The following ATP6V0A1 variants were observed in gnomAD, a reference collection of about 807,000 sequenced individuals.
ATP6V0A1 encodes the protein ATPase H+ transporting V0 subunit a1.
In ATP6V0A1, 43 loss-of-function variants were observed where a neutral mutation model predicts 105.4. The ratio of observed to expected loss-of-function variants is 0.41; its 90% CI spans 0.32 to 0.53. ATP6V0A1 has a LOEUF of 0.53. Among genes scored for constraint, ATP6V0A1 ranks in the 20% least tolerant of loss-of-function variants. The pLI is 0.30. For synonymous variants in ATP6V0A1, 362 were observed against 372.8 expected (o/e 0.97, Z 0.33); for missense variants, 676 against 1,051.1 (o/e 0.64, Z 4.93).
chr17:42,484,919 G>A (rs893378768), intron 9 of ATP6V0A1, among the ~76,000 whole-genome samples: 1 of 150,038 alleles, frequency 6.7e-6, no homozygotes, highest in Non-Finnish European at 1.5e-5. Context: ...GCGCGATCTC[G>A]GCTCACTGCA....
chr17:42,512,546 G>C (rs2092396624), intron 19 of ATP6V0A1, among the ~76,000 whole-genome samples: 1 of 152,196 alleles, frequency 6.6e-6, no homozygotes, highest in Non-Finnish European at 1.5e-5. Context: ...AAGTAAGGAA[G>C]CTTGAAGAGC....
intron 20 of ATP6V0A1, 72 bp downstream of exon 20, chr17:42,514,050 A>G: frequency 1.3e-6 from 2 of 1,488,894 alleles, no homozygotes; most frequent in Non-Finnish European, 1.9e-6. Flanking sequence ...TGGGGGGCTT[A>G]AGTCAAATGG....
At chr17:42,500,675 A>G in intron 15 of ATP6V0A1, 32 bp from the exon 16 acceptor site, 1 of 1,563,872 alleles carries the variant, frequency 6.4e-7, no homozygotes, top group Non-Finnish European at 8.8e-7. Flanking sequence ...AGGCCCATTT[A>G]CCCTTAACAT....
intron 5 of ATP6V0A1, among the ~76,000 whole-genome samples, chr17:42,472,208 C>T (rs2088064227): frequency 6.6e-6 from 1 of 151,646 alleles, no homozygotes; most frequent in South Asian, 2.1e-4. Context: ...TGCTCACCAC[C>T]ACCCCCAGCT....
chr17:42,497,577 G>A (rs933796627), intron 14 of ATP6V0A1, among the ~76,000 whole-genome samples: 1 of 151,568 alleles, frequency 6.6e-6, no homozygotes, highest in Non-Finnish European at 1.5e-5. Flanking sequence ...GGGAAGTTGA[G>A]GCAGAGAATT....
chr17:42,506,577 G>A (rs371153310), intron 17 of ATP6V0A1, among the ~76,000 whole-genome samples: 1 of 152,246 alleles, frequency 6.6e-6, no homozygotes, highest in Non-Finnish European at 1.5e-5. Context: ...CTCTTGCCTT[G>A]TTTGGCCCCC....
rs1220914968 is a variant in ATP6V0A1, at chr17:42,480,582, T to C, written c.634-85T>C. 3.8e-6 allele frequency: 5 copies of C among 1,307,854 alleles called. No homozygotes were observed. In the African/African-American group the frequency reaches 7.5e-5, roughly 20 times the overall value. The allele number at this position is 1,307,854 out of a possible 1,614,324, so 81.0% of individuals were successfully genotyped here. ...GTCCTTAAAAGATGCCTGTTGTTCT[T>C]GCATCACCAAAAAAGTGGGTTATTT... On this transcript the variant is annotated intron_variant, in intron 7 of 21. Transcript: ENST00000343619.
intron 5 of ATP6V0A1, among the ~76,000 whole-genome samples, chr17:42,473,981 A>T (rs1486361476): frequency 6.6e-6 from 1 of 151,420 alleles, no homozygotes; most frequent in African/African-American, 2.4e-5. Flanking sequence ...TGCCCTTTTC[A>T]TGCTGGGGTT....
chr17:42,513,880 T>C lies in ATP6V0A1; in HGVS notation c.2150T>C (p.Met717Thr), dbSNP rs926935948. 2 of 1,614,088 alleles carry C rather than the reference T, an allele frequency of 1.2e-6. No homozygotes were observed. Among genetic ancestry groups the C allele is most frequent in the Non-Finnish European group, 1.7e-6 (2 of 1,179,974 alleles). Residue 717 changes from methionine (M) to threonine (T), a missense_variant, in exon 20 of 22, where the codon ATG becomes ACG. Transcript: ENST00000343619. ...CGACAGTTTGACTTTGGGGACACCA[T>C]GGTCCACCAGGCCATCCACACCATC... ...EDEVFDFGDTMVHQAIHTIEY... is the reference protein window; with the variant it reads ...EDEVFDFGDTTVHQAIHTIEY...
intron 18 of ATP6V0A1, 111 bp from the exon 19 acceptor site, chr17:42,508,461 C>G (rs1273811650): frequency 1.4e-6 from 2 of 1,395,958 alleles, no homozygotes; most frequent in Non-Finnish European, 2.0e-6. Context: ...ACGTGCTAGC[C>G]CATTTAACAT....
chr17:42,459,908 T>A (rs2086210801), intron 1 of ATP6V0A1, among the ~76,000 whole-genome samples: 1 of 152,212 alleles, frequency 6.6e-6, no homozygotes, highest in African/African-American at 2.4e-5. Context: ...GATGCCCTTA[T>A]GACACTAAAA....
At chr17:42,501,384 A>C in intron 17 of ATP6V0A1, 80 bp downstream of exon 17, 1 of 1,015,986 alleles carries the variant, frequency 9.8e-7, no homozygotes, top group Non-Finnish European at 1.5e-6. Flanking sequence ...GGATATAATT[A>C]ATTGTGCACA....
chr17:42,474,829 T>C (rs1282573817), intron 5 of ATP6V0A1, among the ~76,000 whole-genome samples: 1 of 152,236 alleles, frequency 6.6e-6, no homozygotes, highest in Non-Finnish European at 1.5e-5. Context: ...ATAGGAGTTA[T>C]GATTGGCAGG....
chr17:42,477,783 G>T (rs549933179), intron 6 of ATP6V0A1, 41 bp downstream of exon 6: 14 of 1,506,840 alleles, frequency 9.3e-6, no homozygotes, highest in Middle Eastern at 1.9e-4. Context: ...GTGGGGCCAT[G>T]TTCATCTCTT....
chr17:42,478,781 A>G (rs1039131765), intron 7 of ATP6V0A1, 192 bp downstream of exon 7: 1 of 372,028 alleles, frequency 2.7e-6, no homozygotes, highest in Non-Finnish European at 4.4e-6. Flanking sequence ...TGTATGATGT[A>G]TACATGACAT....
At chr17:42,478,928 T>TA (rs201894757) in intron 7 of ATP6V0A1, 2,570 of 153,694 alleles carry the variant, frequency 0.017, 42 homozygotes, top group Middle Eastern at 0.077. Context: ...TTTTTTGAGG[T>TA]GGAGTCTCAC....
Position 42,521,092 on chromosome 17 carries a change from A to G in ATP6V0A1, c.2486A>G (p.His829Arg), listed in dbSNP as rs776657619. 1.9e-6 allele frequency: 3 copies of G among 1,609,882 alleles called. No homozygotes were observed. The highest frequency in any genetic ancestry group is 2.5e-6 in the Non-Finnish European group (3 of 1,178,010). The change falls in exon 22 of 22, where the codon CAT becomes CGT. Residue 829 changes from histidine (H) to arginine (R), a missense_variant. Coordinates refer to ENST00000343619, the MANE Select transcript of ATP6V0A1 (RefSeq NM_001130021.3). The surrounding 1 kb of genome is among the most constrained non-coding windows in gnomAD (Gnocchi z 4.8). ...GFKFLPFSFE[H>R]IREGKFEE ...AAGTTCTTACCCTTCTCCTTCGAGC[A>G]TATTCGGGAAGGGAAGTTTGAAGAG... is the stretch of plus-strand genomic sequence containing the variant.
chr17:42,478,358 A>G, intron 6 of ATP6V0A1, 105 bp from the exon 7 acceptor site: 1 of 797,098 alleles, frequency 1.3e-6, no homozygotes, highest in Non-Finnish European at 1.6e-6. Flanking sequence ...CTTAAAGTAT[A>G]ATAAAAAAAG....
chr17:42,516,777 C>A (rs2092646388), intron 21 of ATP6V0A1, among the ~76,000 whole-genome samples: 1 of 152,234 alleles, frequency 6.6e-6, no homozygotes. Context: ...CCCAGGTCCC[C>A]CTGAACTGAA....
Sources: gnomAD v4.1 joint callset for allele counts (sites outside exome capture counted in the v4.1 genomes callset) on GRCh38, gnomAD v4.1.1 for gene constraint, Gnocchi (gnomAD v3.1) non-coding constraint, MANE v1.5 for transcripts, NCBI Gene and HGNC (gene_info 2026-07-23, HGNC 2026-07-21) for gene names.